USF2: variants seen among roughly 807,000 people sequenced by gnomAD.
USF2 encodes upstream transcription factor 2, c-fos interacting.
In USF2, 16 loss-of-function variants were observed where a neutral mutation model predicts 46.9. That is an observed-to-expected ratio of 0.34 (90% CI 0.23 to 0.52). USF2 has a LOEUF of 0.52. Among genes scored for constraint, USF2 ranks in the 20% least tolerant of loss-of-function variants. USF2 has a pLI of 0.96. For synonymous variants in USF2, 239 were observed against 194.1 expected, an observed-to-expected ratio of 1.23 and a Z score of -1.92; for missense variants, 411 against 474.0, an observed-to-expected ratio of 0.87 and a Z score of 1.23.
chr19:35,272,197 C>G (rs1332827216), intron 7 of USF2, among the ~76,000 whole-genome samples: 1 of 152,144 alleles, frequency 6.6e-6, no homozygotes, highest in South Asian at 2.1e-4. Context: ...TATGGCAATG[C>G]AGCAGATGAT....
Position 35,279,223 on chromosome 19 carries a change from C to T in USF2, c.1008C>T (p.Asn336=). 1 of 1,578,242 alleles carries T rather than the reference C, an allele frequency of 6.3e-7. No homozygotes were observed. Among genetic ancestry groups the T allele is most frequent in the Non-Finnish European group, 8.6e-7 (1 of 1,161,382 alleles). The change falls in exon 10 of 10, where the codon AAC becomes AAT. Residue 336 remains asparagine (N), a synonymous_variant. Coordinates refer to ENST00000222305, the MANE Select transcript of USF2 (RefSeq NM_003367.4). ...TTCGAGCCCAGCTGCAGCAGCACAA[C>T]CTGGAGATGGTGGGCGAGGGCACCC... ...ALLRAQLQQH[N]LEMVGEGTRQ is the part of the protein sequence containing the mutation.
At chr19:35,269,723 A>G (rs1213377841) in intron 3 of USF2, 24 bp downstream of exon 3, 11 of 253,714 alleles carry the variant, frequency 4.3e-5, no homozygotes, top group Non-Finnish European at 7.0e-5. Flanking sequence ...CGCGAGGGCG[A>G]ACGGGCGGGC....
In USF2 at chr19:35,269,934, C is replaced by T. The variant is rs888865629; in HGVS notation, c.360C>T (p.Asp120=). The change falls in exon 4 of 10, where the codon GAC becomes GAT. Residue 120 remains aspartate (D), a synonymous_variant. Transcript: ENST00000222305. ...GQQAVTQVGV[D]GAAQRPGPAA... ...AGGCTGTGACCCAGGTGGGTGTGGA[C>T]GGGGCAGCCCAGCGCCCGGGCCCCG... is the stretch of plus-strand genomic sequence containing the variant. The T allele has an allele frequency of 1.4e-5, 19 of 1,349,592 alleles. No individual in the cohort carries two copies. In the African/African-American group the frequency reaches 2.6e-4, roughly 19 times the overall value. 83.6% of individuals were successfully genotyped at this position (1,349,592 alleles called of 1,614,324 possible).
At position 35,278,768 on chromosome 19, in the gene USF2, C is replaced by T. The variant is rs757992032; in HGVS notation, c.798C>T (p.Asn266=). Reference sequence around the variant, plus strand: ...TTTCGAAAATCATTCCAGACTGTAACGCAGACAACAGCAAGACGGGAGCGG... The same window carrying T: ...TTTCGAAAATCATTCCAGACTGTAATGCAGACAACAGCAAGACGGGAGCGG... ...VQLSKIIPDC[N]ADNSKTGASK... Residue 266 remains asparagine, a synonymous_variant, in exon 8 of 10, where the codon AAC becomes AAT. Coordinates refer to ENST00000222305, the MANE Select transcript of USF2 (RefSeq NM_003367.4). The T allele has an allele frequency of 3.7e-6, 6 of 1,614,006 alleles. No individual in the cohort carries two copies. Among genetic ancestry groups the T allele is most frequent in the African/African-American group, 1.3e-5 (1 of 74,934 alleles).
Position 35,269,716 on chromosome 19 carries a change from G to T in USF2, c.228+17G>T, listed in dbSNP as rs1230538861. The stretch of plus-strand genomic sequence containing the variant: ...GGAGGACAGGTGAGCGGCGGGCCGC[G>T]AGGGCGAACGGGCGGGCGGGCGGGC... On this transcript the variant is annotated intron_variant, in intron 3 of 9. Coordinates refer to ENST00000222305, the MANE Select transcript of USF2 (RefSeq NM_003367.4). 1.5e-6 allele frequency: 2 copies of T among 1,374,248 alleles called. No individual in the cohort carries two copies. The highest frequency in any genetic ancestry group is 3.1e-5 in the Admixed American group (1 of 32,696). 85.1% of individuals were successfully genotyped at this position (1,374,248 alleles called of 1,614,324 possible).
Position 35,270,018 on chromosome 19 carries a change from A to T in USF2, c.429+15A>T, listed in dbSNP as rs1599621136. 7.5e-7 allele frequency: 1 copy of T among 1,332,422 alleles called. No homozygotes were observed. The highest frequency in any genetic ancestry group is 1.6e-5 in the African/African-American group (1 of 64,240). The allele number at this position is 1,332,422 out of a possible 1,614,324, so 82.5% of individuals were successfully genotyped here. A position where few individuals can be genotyped will look rare whatever the true frequency, so the allele number is the denominator to read the frequency against. ...CCTTCCCGCTGGTAGGTGCCCTGCC[A>T]CCCCTGGGTGGGGGGGGGAGGGAGT... is the stretch of plus-strand genomic sequence containing the variant. On this transcript the variant is annotated intron_variant, in intron 4 of 9. Transcript: ENST00000222305.
chr19:35,272,934 C>T (rs1266456218), intron 7 of USF2, among the ~76,000 whole-genome samples: 1 of 151,838 alleles, frequency 6.6e-6, no homozygotes, highest in Non-Finnish European at 1.5e-5. Flanking sequence ...TCTTAATCTC[C>T]GTACCTGTCT....
At chr19:35,277,195 C>G (rs1205959714) in intron 7 of USF2, 1 of 152,414 alleles carries the variant, frequency 6.6e-6, no homozygotes, top group Non-Finnish European at 1.5e-5. Flanking sequence ...AGGTTCAGCG[C>G]ACCGCGATAG....
chr19:35,277,580 G>A (rs2066252047), intron 7 of USF2: 1 of 152,276 alleles, frequency 6.6e-6, no homozygotes, highest in African/African-American at 2.4e-5. Flanking sequence ...CAGGCTCACT[G>A]GACCCCTGAC....
intron 1 of USF2, 133 bp from the exon 2 acceptor site, chr19:35,269,313 C>T (rs1433592955): frequency 3.3e-6 from 3 of 896,024 alleles, no homozygotes; most frequent in East Asian, 2.4e-4. Flanking sequence ...GCCTCCCGCC[C>T]CCGGCCCCCG....
rs2066144629 is a variant in USF2 at position 35,270,916 on chromosome 19, T to C, written c.668+111T>C. ...AGTGGGCACATGGTGTAATGTTTTT[T>C]TTCTTTGCCTGTTTCTGCTGCTCTA... is the stretch of plus-strand genomic sequence containing the variant. On this transcript the variant is annotated intron_variant, in intron 6 of 9. Coordinates refer to ENST00000222305, the MANE Select transcript of USF2 (RefSeq NM_003367.4). The C allele has an allele frequency of 2.7e-6, 4 of 1,475,284 alleles. No individual in the cohort carries two copies. In the South Asian group the frequency reaches 4.6e-5, roughly 17 times the overall value. 91.4% of individuals were successfully genotyped at this position (1,475,284 alleles called of 1,614,324 possible).
Position 35,271,009 on chromosome 19 carries a change from C to G in USF2, c.669-74C>G, listed in dbSNP as rs762670011. On this transcript the variant is annotated intron_variant, in intron 6 of 9. Coordinates refer to ENST00000222305, the MANE Select transcript of USF2 (RefSeq NM_003367.4). ...TACCTTGCAAAGATAATTTTCAAAT[C>G]TAATACTTAGCAGATGCTTGGGCAA... 3 of 1,580,016 alleles carry G rather than the reference C, an allele frequency of 1.9e-6. No individual in the cohort carries two copies. In the South Asian group the frequency reaches 3.3e-5, roughly 18 times the overall value.
intron 7 of USF2, among the ~76,000 whole-genome samples, chr19:35,272,271 G>A (rs1031600946): frequency 2.6e-5 from 4 of 152,128 alleles, no homozygotes; most frequent in East Asian, 3.9e-4. Context: ...TCACACAGCC[G>A]CATCAGGCAG....
At chr19:35,276,066 TC>T (rs1399494987) in intron 7 of USF2, among the ~76,000 whole-genome samples, 2 of 119,752 alleles carry the variant, frequency 1.7e-5, no homozygotes, top group African/African-American at 5.7e-5. Context: ...TTCTGAATTT[TC>T]TCTTTTTTTT....
At chr19:35,276,509 CAGGGCCTGGATTCA>C (rs1444979736) in intron 7 of USF2, among the ~76,000 whole-genome samples, 39 of 152,322 alleles carry the variant, frequency 2.6e-4, no homozygotes, top group African/African-American at 8.7e-4. Flanking sequence ...CTGCTAATGT[CAGGGCCTGGATTCA>C]AGGGCCTGGG....
chr19:35,278,265 G>T (rs2066262079), intron 7 of USF2: 1 of 167,282 alleles, frequency 6.0e-6, no homozygotes, highest in Admixed American at 5.9e-5. Flanking sequence ...CCAAAAAGGG[G>T]CACTGGTCCT....
chr19:35,272,742 G>A (rs2066174922), intron 7 of USF2, among the ~76,000 whole-genome samples: 1 of 152,066 alleles, frequency 6.6e-6, no homozygotes, highest in Non-Finnish European at 1.5e-5. Flanking sequence ...AGACAGGGCA[G>A]GGGTTGGGGG....
chr19:35,269,735 G>T, intron 3 of USF2, 36 bp downstream of exon 3: 2 of 371,220 alleles, frequency 5.4e-6, no homozygotes, highest in South Asian at 2.1e-5. Context: ...CGGGCGGGCG[G>T]GCGGGCGCGC....
rs1212849336 is a variant in USF2, at chr19:35,269,447, CACG to C, written c.67_69del (p.Asp23del). 6.5e-7 allele frequency: 1 copy of C among 1,532,404 alleles called. No homozygotes were observed. The allele number at this position is 1,532,404 out of a possible 1,614,324, so 94.9% of individuals were successfully genotyped here. A position where few individuals can be genotyped will look rare whatever the true frequency, so the allele number is the denominator to read the frequency against. ...TGCTCCCTCCTGTGCCCCTGGCAGCCACGACAAGGGACCCGAGGCGGAGGAGGG... is the reference window on the plus strand; with the variant it reads ...TGCTCCCTCCTGTGCCCCTGGCAGCCACAAGGGACCCGAGGCGGAGGAGGG... On this transcript the variant is annotated inframe_deletion and splice_region_variant, in exon 2 of 10. Transcript: ENST00000222305.
Sources: allele counts gnomAD v4.1 joint callset (sites outside exome capture counted in the v4.1 genomes callset), GRCh38; gene constraint gnomAD v4.1.1; transcripts MANE v1.5; gene names NCBI Gene and HGNC (gene_info 2026-07-23, HGNC 2026-07-21).